The following CCDC3 variants were observed in gnomAD, a reference collection of about 807,000 sequenced individuals.
CCDC3 encodes the protein coiled-coil domain-containing protein 3.
A neutral mutation model predicts 21.4 loss-of-function variants in CCDC3; 24 were observed. The observed-to-expected ratio is 1.12, with a 90% confidence interval of 0.81 to 1.58. The LOEUF (loss-of-function observed/expected upper bound fraction) is 1.58. Among genes scored for constraint, CCDC3 ranks in the 40% most tolerant of loss-of-function variants. The pLI is 0.00. For synonymous variants in CCDC3, 186 were observed against 166.0 expected (o/e 1.12, Z -0.93); for missense variants, 425 against 360.9 (o/e 1.18, Z -1.44).
chr10:12,934,061 A>C (rs1834695759), intron 2 of CCDC3, among the ~76,000 whole-genome samples: 1 of 152,160 alleles, frequency 6.6e-6, no homozygotes, highest in Non-Finnish European at 1.5e-5. Context: ...CTTCTTTCCT[A>C]ATATATGCAT....
Position 13,098,841 on chromosome 10 carries a change from C to T in CCDC3, c.-580-239G>A, listed in dbSNP as rs186120828. Among the ~76,000 whole-genome samples the T allele has an allele frequency of 2.7e-5, 4 of 149,752 alleles. No homozygotes were observed. In the East Asian group the frequency reaches 6.0e-4, roughly 22 times the overall value. ...AAGCGATTCTTCTGCCTTAGCCTCC[C>T]GAGTAGCTGGGACTACAGGAGAGTA... On this transcript the variant is annotated intron_variant, in intron 2 of 6. Coordinates refer to the CCDC3 transcript ENST00000378839.
At chr10:13,001,056 G>C in intron 1 of CCDC3, 141 bp downstream of exon 1, 1 of 1,062,794 alleles carries the variant, frequency 9.4e-7, no homozygotes, top group East Asian at 2.6e-5. Context: ...ATCCAAGAAG[G>C]CAAGGGGTAG....
chr10:12,984,847 T>G (rs1028077390), intron 2 of CCDC3, among the ~76,000 whole-genome samples: 2 of 152,044 alleles, frequency 1.3e-5, no homozygotes, highest in Non-Finnish European at 2.9e-5. Flanking sequence ...ACGTCCAGAG[T>G]AGGCAAAGCC....
chr10:12,973,042 G>A (rs1300422600), intron 2 of CCDC3, among the ~76,000 whole-genome samples: 2 of 152,128 alleles, frequency 1.3e-5, no homozygotes, highest in Non-Finnish European at 2.9e-5. Flanking sequence ...TGAAACTGTT[G>A]TAAGGAATAG....
intron 1 of CCDC3, among the ~76,000 whole-genome samples, chr10:13,000,059 A>T (rs1835822793): frequency 1.3e-5 from 2 of 152,216 alleles, no homozygotes; most frequent in Non-Finnish European, 1.5e-5. Context: ...TACAAACACC[A>T]CTTTGTAGAA....
upstream of CCDC3, among the ~76,000 whole-genome samples, chr10:13,001,854 C>G (rs1354706034): frequency 6.6e-6 from 1 of 151,676 alleles, no homozygotes; most frequent in African/African-American, 2.4e-5. Context: ...CCGGCTGGGG[C>G]GGGGACCAGG....
intron 2 of CCDC3, among the ~76,000 whole-genome samples, chr10:12,954,506 C>T (rs1453430450): frequency 2.0e-5 from 3 of 152,114 alleles, no homozygotes; most frequent in African/African-American, 2.4e-5. Context: ...AGAAGCATGG[C>T]GCCAGCATCT....
At chr10:13,024,328 T>C (rs1365762040) in intron 5 of CCDC3, among the ~76,000 whole-genome samples, 1 of 152,200 alleles carries the variant, frequency 6.6e-6, no homozygotes, top group Non-Finnish European at 1.5e-5. Flanking sequence ...CTAACAGATC[T>C]CTTCAAGGCA....
chr10:12,909,471 G>A (rs7899590), intron 2 of CCDC3, among the ~76,000 whole-genome samples: 14 of 152,204 alleles, frequency 9.2e-5, no homozygotes, highest in South Asian at 4.1e-4. Context: ...GTGCCAACCC[G>A]GGCTGAGTGA....
At chr10:12,961,522 G>A (rs1052223609) in intron 2 of CCDC3, among the ~76,000 whole-genome samples, 1 of 152,150 alleles carries the variant, frequency 6.6e-6, no homozygotes, top group Non-Finnish European at 1.5e-5. Context: ...TGGTCATTGT[G>A]AGCCTTTGCA....
rs117872940 is a variant in CCDC3 at position 12,985,049 on chromosome 10, C to T, written c.549+13289G>A. On this transcript the variant is annotated intron_variant, in intron 2 of 2. Transcript: ENST00000378825. ...GTACAGTTAGAGACTCAACTGTTTA[C>T]GCTATTCATAGCTATAGATTTTTTT... is the stretch of plus-strand genomic sequence containing the variant. Among the ~76,000 whole-genome samples, 445 of 152,192 alleles carry T rather than the reference C, an allele frequency of 2.9e-3. 2 individuals are homozygous for T. Among genetic ancestry groups the T allele is most frequent in the Non-Finnish European group, 4.3e-3 (295 of 68,024 alleles).
At chr10:13,042,853 G>C (rs1836477873) in intron 5 of CCDC3, among the ~76,000 whole-genome samples, 1 of 147,962 alleles carries the variant, frequency 6.8e-6, no homozygotes, top group African/African-American at 2.5e-5. Context: ...AGCTTGCAGT[G>C]AGCCGAGATG....
chr10:12,931,367 C>A (rs12252805), intron 2 of CCDC3, among the ~76,000 whole-genome samples: 14,706 of 152,150 alleles, frequency 0.097, 751 homozygotes, highest in African/African-American at 0.13. Context: ...TGGGATTCAA[C>A]CTTCTTCTGG....
At chr10:13,022,500 G>A (rs1836159171) in intron 5 of CCDC3, among the ~76,000 whole-genome samples, 1 of 152,138 alleles carries the variant, frequency 6.6e-6, no homozygotes, top group Non-Finnish European at 1.5e-5. Context: ...AGCTATAAAT[G>A]CAGTGGTATT....
rs747331715 is a variant in CCDC3 at position 12,898,574 on chromosome 10, C to T, written c.655G>A (p.Glu219Lys). 4.3e-6 allele frequency: 7 copies of T among 1,614,264 alleles called. No homozygotes were observed. The South Asian group carries it at 6.6e-5, about 15-fold the overall frequency. The part of the protein sequence containing the change: ...TLEKRNRQLR[E>K]RVKKVKRSLR... ...GACCTCTTGACCTTCTTCACTCGCT[C>T]CCGGAGCTGCCGGTTGCGCTTCTCC... The change falls in exon 3 of 3, where the codon GAG (glutamate) becomes AAG (lysine). Residue 219 changes from glutamate (E) to lysine (K), a missense_variant. Glu to Lys is a moderately conservative substitution (Grantham distance 56, BLOSUM62 1). Coordinates refer to ENST00000378825, the MANE Select transcript of CCDC3 (RefSeq NM_031455.4).
At chr10:13,099,591 C>G (rs899925625) in exon 1 of CCDC3, 4 of 152,200 alleles carry the variant, frequency 2.6e-5, no homozygotes, top group Non-Finnish European at 5.9e-5. Flanking sequence ...ATAGCCGAGC[C>G]TATTCGTCCG....
At chr10:12,942,252 C>G (rs1346386529) in intron 2 of CCDC3, among the ~76,000 whole-genome samples, 1 of 152,196 alleles carries the variant, frequency 6.6e-6, no homozygotes, top group Non-Finnish European at 1.5e-5. Context: ...TAACTTCTTC[C>G]ATCTGCCAGA....
intron 2 of CCDC3, among the ~76,000 whole-genome samples, chr10:12,929,043 C>A (rs1834595369): frequency 6.6e-6 from 1 of 152,084 alleles, no homozygotes; most frequent in African/African-American, 2.4e-5. Flanking sequence ...GTGGGTGGAT[C>A]ATGAGGTCAG....
chr10:12,985,392 A>C (rs1042170271), intron 2 of CCDC3, among the ~76,000 whole-genome samples: 2 of 152,260 alleles, frequency 1.3e-5, no homozygotes, highest in African/African-American at 4.8e-5. Flanking sequence ...CTAAAAATAG[A>C]CTTACCATAC....
Sources: allele counts gnomAD v4.1 joint callset (sites outside exome capture counted in the v4.1 genomes callset), GRCh38; gene constraint gnomAD v4.1.1; transcripts MANE v1.5; gene names NCBI Gene and HGNC (gene_info 2026-07-23, HGNC 2026-07-21).